The following RNF150 variants were observed in gnomAD, a reference collection of about 807,000 sequenced individuals.
RNF150 encodes the protein ring finger protein 150.
Under a neutral mutation model 39.3 loss-of-function variants are expected in RNF150, and 24 were observed. The ratio of observed to expected loss-of-function variants is 0.61; its 90% confidence interval spans 0.44 to 0.86. RNF150 has a LOEUF of 0.86. Ranked by LOEUF, RNF150 falls within the 40% of genes least tolerant of loss-of-function variation. The pLI, the probability that RNF150 is intolerant of heterozygous loss-of-function variation, is 0.00. For synonymous variants in RNF150, 255 were observed against 227.3 expected, an observed-to-expected ratio of 1.12 and a Z score of -1.10; for missense variants, 502 against 587.8, an observed-to-expected ratio of 0.85 and a Z score of 1.51.
intron 6 of RNF150, among the ~76,000 whole-genome samples, chr4:140,875,163 G>GTTTTT (rs58742685): frequency 3.6e-4 from 44 of 122,588 alleles, no homozygotes; most frequent in African/African-American, 1.1e-3. Context: ...CAATCATTAC[G>GTTTTT]TTTTTTTTTT....
intron 1 of RNF150, among the ~76,000 whole-genome samples, chr4:141,194,452 T>C (rs752914090): frequency 1.3e-5 from 2 of 152,218 alleles, no homozygotes; most frequent in Non-Finnish European, 2.9e-5. Flanking sequence ...TGTTAGGCCA[T>C]ATAGAATTCT....
At chr4:141,073,986 T>C (rs1463289160) in intron 1 of RNF150, among the ~76,000 whole-genome samples, 1 of 151,880 alleles carries the variant, frequency 6.6e-6, no homozygotes. Context: ...TAGAGGACTG[T>C]TCCTGAGACT....
intron 1 of RNF150, among the ~76,000 whole-genome samples, chr4:141,197,412 AT>A (rs1433263111): frequency 6.6e-6 from 1 of 152,184 alleles, no homozygotes; most frequent in African/African-American, 2.4e-5. Context: ...CACTTAATGT[AT>A]TTATTTTAAA....
intron 4 of RNF150, among the ~76,000 whole-genome samples, chr4:140,937,252 T>A (rs1341805875): frequency 6.6e-6 from 1 of 152,204 alleles, no homozygotes; most frequent in Non-Finnish European, 1.5e-5. Context: ...TAAAAATTTT[T>A]AAATAATTTC....
chr4:141,178,807 G>A (rs1727858969), intron 1 of RNF150, among the ~76,000 whole-genome samples: 2 of 144,204 alleles, frequency 1.4e-5, no homozygotes, highest in African/African-American at 5.9e-5. Context: ...TTGCATCAGT[G>A]GAGGTATTCC....
chr4:141,067,838 GC>G (rs1737521376), intron 1 of RNF150, among the ~76,000 whole-genome samples: 1 of 152,090 alleles, frequency 6.6e-6, no homozygotes, highest in Non-Finnish European at 1.5e-5. Context: ...AGAGAAGAAG[GC>G]AAATAGAAGG....
intron 1 of RNF150, among the ~76,000 whole-genome samples, chr4:141,034,446 T>C (rs1200235553): frequency 6.6e-6 from 1 of 152,190 alleles, no homozygotes; most frequent in African/African-American, 2.4e-5. Context: ...TGTTTTGCTT[T>C]CTTATCATTC....
Position 141,000,059 on chromosome 4 carries a change from GAAGAAGAAGAAGAAGAAGAAGAAGA to G in RNF150, c.485-32211_485-32187del, listed in dbSNP as rs1560679409. ...AGAAGAAGAAGAAGAAGAAGAAGAA[GAAGAAGAAGAAGAAGAAGAAGAAGA>G]AGGAGAAGAAGAAGAAGAAGAAGAG... On this transcript the variant is annotated intron_variant, in intron 1 of 6. Coordinates refer to ENST00000515673, the MANE Select transcript of RNF150 (RefSeq NM_020724.2). Among the ~76,000 whole-genome samples the G allele has an allele frequency of 1.0e-4, 10 of 97,922 alleles. 2 individuals are homozygous for G. The highest frequency in any genetic ancestry group is 3.7e-4 in the African/African-American group (10 of 26,786). 64.2% of individuals were successfully genotyped at this position (97,922 alleles called of 152,430 possible). A position where few individuals can be genotyped will look rare whatever the true frequency, so the allele number is the denominator to read the frequency against.
At chr4:140,921,597 A>G (rs1281245889) in intron 5 of RNF150, among the ~76,000 whole-genome samples, 1 of 152,194 alleles carries the variant, frequency 6.6e-6, no homozygotes, top group East Asian at 1.9e-4. Flanking sequence ...AAAAAGAGGG[A>G]ACCCTCCCTA....
intron 6 of RNF150, among the ~76,000 whole-genome samples, chr4:140,886,344 A>G (rs1016392494): frequency 1.3e-5 from 2 of 152,050 alleles, no homozygotes; most frequent in African/African-American, 4.8e-5. Flanking sequence ...TGTTCAGCTG[A>G]GTGGAGTGGG....
chr4:140,896,842 G>T (rs916913038), intron 6 of RNF150, among the ~76,000 whole-genome samples: 1 of 151,644 alleles, frequency 6.6e-6, no homozygotes, highest in African/African-American at 2.4e-5. Context: ...CCGTGTGTAG[G>T]TCACACATCA....
chr4:140,975,486 T>C (rs1032502753), intron 1 of RNF150, among the ~76,000 whole-genome samples: 8 of 152,160 alleles, frequency 5.3e-5, no homozygotes, highest in African/African-American at 1.2e-4. Context: ...GTGTATGTGT[T>C]TTATAAAACA....
At chr4:141,094,031 A>G (rs1738687498) in intron 1 of RNF150, among the ~76,000 whole-genome samples, 1 of 152,226 alleles carries the variant, frequency 6.6e-6, no homozygotes, top group African/African-American at 2.4e-5. Context: ...AACAGATGAT[A>G]TAGATACAGC....
intron 1 of RNF150, among the ~76,000 whole-genome samples, chr4:141,142,815 A>G (rs957772666): frequency 6.7e-6 from 1 of 150,374 alleles, no homozygotes; most frequent in Non-Finnish European, 1.5e-5. Context: ...GTGGTCTCTT[A>G]TCTTCATTTT....
At chr4:141,158,978 T>C (rs539763860) in intron 1 of RNF150, among the ~76,000 whole-genome samples, 1 of 152,328 alleles carries the variant, frequency 6.6e-6, no homozygotes, top group East Asian at 1.9e-4. Flanking sequence ...TTCTTTAAAA[T>C]ATGTATGGTG....
chr4:140,875,091 G>T (rs1729097575), intron 6 of RNF150, among the ~76,000 whole-genome samples: 1 of 151,158 alleles, frequency 6.6e-6, no homozygotes, highest in African/African-American at 2.4e-5. Context: ...TTACATAATA[G>T]TAAGAGTTGG....
intron 1 of RNF150, among the ~76,000 whole-genome samples, chr4:141,101,668 G>A (rs945161036): frequency 3.3e-5 from 5 of 152,070 alleles, no homozygotes; most frequent in Non-Finnish European, 7.4e-5. Flanking sequence ...CAGCTCAGTA[G>A]GTTTGTTTAC....
intron 2 of RNF150, among the ~76,000 whole-genome samples, chr4:140,961,486 A>C (rs971542291): frequency 6.6e-6 from 1 of 152,146 alleles, no homozygotes; most frequent in African/African-American, 2.4e-5. Flanking sequence ...CCTTCATCTA[A>C]CCTGAAAGTC....
At chr4:141,112,489 T>C (rs1268885357) in intron 1 of RNF150, among the ~76,000 whole-genome samples, 1 of 152,192 alleles carries the variant, frequency 6.6e-6, no homozygotes, top group Non-Finnish European at 1.5e-5. Context: ...TTTATGAAGC[T>C]TAGTTTGGCT....
Sources: allele counts gnomAD v4.1 joint callset (sites outside exome capture counted in the v4.1 genomes callset), GRCh38; gene constraint gnomAD v4.1.1; transcripts MANE v1.5; gene names NCBI Gene and HGNC (gene_info 2026-07-23, HGNC 2026-07-21).